The following LARS2 variants were observed in gnomAD, a reference collection of about 807,000 sequenced individuals.
LARS2 encodes the protein leucyl-tRNA synthetase 2, mitochondrial.
In LARS2, 81 loss-of-function variants were observed where a neutral mutation model predicts 116.6. The observed-to-expected ratio is 0.69, with a 90% CI of 0.58 to 0.84. LARS2 has a LOEUF of 0.84. Among genes scored for constraint, LARS2 ranks in the 40% least tolerant of loss-of-function variants. The pLI is 0.00. For missense variants in LARS2, 968 were observed against 1,114.5 expected (o/e 0.87, Z 1.87); for synonymous variants, 396 against 407.2 (o/e 0.97, Z 0.33).
intron 15 of LARS2, among the ~76,000 whole-genome samples, chr3:45,511,856 C>G (rs991566808): frequency 2.1e-5 from 3 of 141,952 alleles, no homozygotes; most frequent in African/African-American, 7.9e-5. Flanking sequence ...CGGCCCACTG[C>G]AACCTCCGCT....
At chr3:45,421,911 A>G (rs1698519990) in intron 6 of LARS2, 1 of 152,220 alleles carries the variant, frequency 6.6e-6, no homozygotes, top group Non-Finnish European at 1.5e-5. Context: ...TGTGTGGCTA[A>G]CTGGGAGCCG....
chr3:45,516,759 C>A (rs1321828040), intron 17 of LARS2, among the ~76,000 whole-genome samples: 1 of 152,166 alleles, frequency 6.6e-6, no homozygotes, highest in Non-Finnish European at 1.5e-5. Flanking sequence ...ATCCAGAAAG[C>A]CCCGGGAGGG....
chr3:45,501,411 A>G lies in LARS2; in HGVS notation c.1760+832A>G, dbSNP rs141460894. On this transcript the variant is annotated intron_variant, in intron 15 of 21. Coordinates refer to ENST00000645846, the MANE Select transcript of LARS2 (RefSeq NM_015340.4). ...TGGTTTTCCTGTGTTTGAACTTTAC[A>G]TAGGTAGAATTATATTTCAGGTATT... Among the ~76,000 whole-genome samples the G allele has an allele frequency of 6.4e-3, 974 of 152,132 alleles. 6 individuals are homozygous for G. The highest frequency in any genetic ancestry group is 0.023 in the African/African-American group (937 of 41,530).
At chr3:45,547,288 A>G in intron 21 of LARS2, 63 bp from the exon 22 acceptor site, 1 of 1,472,628 alleles carries the variant, frequency 6.8e-7, no homozygotes, top group Non-Finnish European at 9.2e-7. Context: ...GAGGTTTGGT[A>G]TTGGGCCGCC....
rs1414216005 is a variant in LARS2, at chr3:45,549,139, C to T, written c.*1609C>T. 1.3e-5 allele frequency: 2 copies of T among 152,192 alleles called. No individual in the cohort carries two copies. 9.4% of individuals were successfully genotyped at this position (152,192 alleles called of 1,614,324 possible). On this transcript the variant is annotated 3_prime_UTR_variant, in exon 22 of 22. Transcript: ENST00000645846. ...TTGGTCCATGGTGTGGCTTGAACAC[C>T]AGGAATCTTTAAAACTCCACAAGTG...
At chr3:45,491,883 T>C in intron 13 of LARS2, 83 bp downstream of exon 13, 1 of 1,293,568 alleles carries the variant, frequency 7.7e-7, no homozygotes, top group Admixed American at 2.0e-5. Context: ...TCCCTCCTGG[T>C]GCTAACTCTG....
At chr3:45,488,913 C>G (rs1195071965) in intron 12 of LARS2, 101 bp downstream of exon 12, 13 of 780,776 alleles carry the variant, frequency 1.7e-5, no homozygotes, top group African/African-American at 3.4e-5. Flanking sequence ...TCACTCGTCC[C>G]CATACCTAAC....
intron 18 of LARS2, 69 bp downstream of exon 18, chr3:45,518,141 T>C: frequency 1.6e-6 from 2 of 1,268,078 alleles, no homozygotes; most frequent in Non-Finnish European, 2.2e-6. Context: ...TTGCCTGTGG[T>C]CTTTGCTGCC....
intron 20 of LARS2, among the ~76,000 whole-genome samples, chr3:45,538,987 G>A (rs1270100390): frequency 6.6e-6 from 1 of 152,140 alleles, no homozygotes; most frequent in African/African-American, 2.4e-5. Flanking sequence ...TTTACCTTAT[G>A]GCAAACAGGC....
chr3:45,400,652 A>G (rs1698131262), intron 4 of LARS2, among the ~76,000 whole-genome samples: 1 of 152,180 alleles, frequency 6.6e-6, no homozygotes, highest in Non-Finnish European at 1.5e-5. Flanking sequence ...GATAACACTG[A>G]TAATCTTCCC....
At chr3:45,408,517 G>A (rs854206) in intron 4 of LARS2, among the ~76,000 whole-genome samples, 18,556 of 152,206 alleles carry the variant, frequency 0.12, 3,718 homozygotes, top group African/African-American at 0.42. Flanking sequence ...CTGCAGGTCC[G>A]GTTCCCAAGC....
At chr3:45,391,238 C>T (rs1381683293) in intron 1 of LARS2, among the ~76,000 whole-genome samples, 3 of 151,932 alleles carry the variant, frequency 2.0e-5, no homozygotes, top group Non-Finnish European at 4.4e-5. Flanking sequence ...GTAATCCCAG[C>T]ACTTTGGGAG....
intron 6 of LARS2, among the ~76,000 whole-genome samples, chr3:45,428,118 G>T (rs1464825881): frequency 1.3e-5 from 2 of 151,730 alleles, no homozygotes; most frequent in Non-Finnish European, 2.9e-5. Flanking sequence ...ACCACGCCTG[G>T]CCACTGCCTT....
chr3:45,425,472 AGTTT>A (rs1234922023), intron 6 of LARS2, among the ~76,000 whole-genome samples: 18 of 152,182 alleles, frequency 1.2e-4, no homozygotes, highest in Non-Finnish European at 2.4e-4. Context: ...GCTGCGGAAG[AGTTT>A]GTTTGTGAAT....
intron 16 of LARS2, among the ~76,000 whole-genome samples, chr3:45,515,624 C>T (rs1365841993): frequency 2.0e-5 from 3 of 152,128 alleles, no homozygotes; most frequent in Non-Finnish European, 4.4e-5. Flanking sequence ...ACCATGAGCC[C>T]GGTAAGTGAA....
intron 21 of LARS2, among the ~76,000 whole-genome samples, chr3:45,544,265 G>A (rs1427044402): frequency 6.6e-6 from 1 of 152,218 alleles, no homozygotes; most frequent in Non-Finnish European, 1.5e-5. Context: ...AAAGGTCTGG[G>A]GGCACATGAG....
chr3:45,461,671 C>A (rs993022926), intron 8 of LARS2, among the ~76,000 whole-genome samples: 1 of 152,032 alleles, frequency 6.6e-6, no homozygotes, highest in African/African-American at 2.4e-5. Flanking sequence ...TGCAATGGTC[C>A]AGGCATGCAA....
In LARS2 at chr3:45,516,025, T is replaced by C. The variant is rs1029902568; in HGVS notation, c.1862-69T>C. On this transcript the variant is annotated intron_variant, in intron 16 of 21. Transcript: ENST00000645846. Reference sequence around the variant, plus strand: ...CCATCGCTCACCCAGTTTTTACTTATTGATGCTATTTCTATAGAAGCAATT... The same window carrying C: ...CCATCGCTCACCCAGTTTTTACTTACTGATGCTATTTCTATAGAAGCAATT... 16 of 1,267,310 alleles carry C rather than the reference T, an allele frequency of 1.3e-5. No individual in the cohort carries two copies. The East Asian group carries it at 3.1e-4, about 25-fold the overall frequency. 78.5% of individuals were successfully genotyped at this position (1,267,310 alleles called of 1,614,324 possible).
At chr3:45,444,986 T>C (rs555884309) in intron 6 of LARS2, among the ~76,000 whole-genome samples, 1 of 152,200 alleles carries the variant, frequency 6.6e-6, no homozygotes, top group South Asian at 2.1e-4. Flanking sequence ...CTCTAGTGGG[T>C]AAAGATTTTT....
Sources: gnomAD v4.1 joint callset for allele counts (sites outside exome capture counted in the v4.1 genomes callset) on GRCh38, gnomAD v4.1.1 for gene constraint, MANE v1.5 for transcripts, NCBI Gene and HGNC (gene_info 2026-07-23, HGNC 2026-07-21) for gene names.